The following EXOC4 variants were observed in gnomAD, a reference collection of about 807,000 sequenced individuals.
The protein encoded by EXOC4 is SEC8-like 1.
In EXOC4, 71 loss-of-function variants were observed where a neutral mutation model predicts 107.2. That is an observed-to-expected ratio of 0.66 (90% confidence interval 0.55 to 0.81). The LOEUF (loss-of-function observed/expected upper bound fraction) is 0.81, where lower values mean the gene tolerates loss of function less well. Among genes scored for constraint, EXOC4 ranks in the 30% least tolerant of loss-of-function variants. The pLI is 0.00. For missense variants in EXOC4, 1,108 were observed against 1,189.6 expected (o/e 0.93, Z 1.01); for synonymous variants, 456 against 441.2 (o/e 1.03, Z -0.42).
chr7:134,083,688 T>A, the EXOC4 span, among the ~76,000 whole-genome samples: 1 of 152,040 alleles, frequency 6.6e-6, no homozygotes, highest in African/African-American at 2.4e-5. Context: ...CTCAGGGCTC[T>A]AAAAAAAACC....
At chr7:133,826,959 T>C (rs936624335) in intron 11 of EXOC4, among the ~76,000 whole-genome samples, 4 of 152,222 alleles carry the variant, frequency 2.6e-5, no homozygotes, top group Admixed American at 6.5e-5. Flanking sequence ...TCTTCAGCCT[T>C]CACAGAAATG....
intron 9 of EXOC4, among the ~76,000 whole-genome samples, chr7:133,573,903 G>A (rs1341698842): frequency 1.3e-5 from 2 of 152,206 alleles, no homozygotes; most frequent in Non-Finnish European, 2.9e-5. Flanking sequence ...AATTAACAAT[G>A]TTGGGGACTT....
intron 4 of EXOC4, among the ~76,000 whole-genome samples, chr7:133,314,026 C>T (rs1301889155): frequency 6.6e-6 from 1 of 152,002 alleles, no homozygotes; most frequent in Non-Finnish European, 1.5e-5. Context: ...TCAGTATTTC[C>T]AAAATAACGT....
chr7:133,373,154 T>C (rs1402208083), intron 6 of EXOC4, among the ~76,000 whole-genome samples: 1 of 152,226 alleles, frequency 6.6e-6, no homozygotes, highest in African/African-American at 2.4e-5. Flanking sequence ...ACCAGTTTTA[T>C]ACCGATTATT....
chr7:133,379,959 A>G (rs1448782890), intron 7 of EXOC4, among the ~76,000 whole-genome samples: 1 of 152,076 alleles, frequency 6.6e-6, no homozygotes, highest in Non-Finnish European at 1.5e-5. Flanking sequence ...GGCATATTAA[A>G]TGAGTTATAC....
chr7:133,257,368 A>G (rs73724510), intron 1 of EXOC4, among the ~76,000 whole-genome samples: 108 of 140,402 alleles, frequency 7.7e-4, no homozygotes, highest in Admixed American at 3.0e-3. Flanking sequence ...ACACACACGC[A>G]CACACACACA....
At chr7:133,898,193 T>C (rs1377556484) in intron 12 of EXOC4, among the ~76,000 whole-genome samples, 1 of 152,126 alleles carries the variant, frequency 6.6e-6, no homozygotes, top group African/African-American at 2.4e-5. Flanking sequence ...TGCCAAAATT[T>C]ATATCTGTTG....
chr7:133,661,765 T>A (rs1384063187), intron 10 of EXOC4, among the ~76,000 whole-genome samples: 3 of 150,008 alleles, frequency 2.0e-5, no homozygotes, highest in Non-Finnish European at 3.0e-5. Flanking sequence ...GTGAGCTGGG[T>A]GTCCAGCAGG....
chr7:133,826,360 T>C (rs988124728), intron 11 of EXOC4, among the ~76,000 whole-genome samples: 4 of 152,222 alleles, frequency 2.6e-5, no homozygotes, highest in Admixed American at 6.5e-5. Flanking sequence ...AAGTGCTTAC[T>C]GCTACATTTC....
intron 7 of EXOC4, among the ~76,000 whole-genome samples, chr7:133,412,965 TA>T: frequency 1.3e-5 from 2 of 152,264 alleles, no homozygotes; most frequent in East Asian, 3.9e-4. Flanking sequence ...AGTTCATGTT[TA>T]ATAATAATGT....
At chr7:134,069,018 C>A (rs116254484), downstream of EXOC4, among the ~76,000 whole-genome samples, 2,566 of 152,234 alleles carry the variant, frequency 0.017, 86 homozygotes, top group African/African-American at 0.059. Context: ...CCTCTCTGAT[C>A]TACCCTTCCC....
intron 5 of EXOC4, among the ~76,000 whole-genome samples, chr7:133,346,874 G>T (rs1378038700): frequency 6.6e-6 from 1 of 152,158 alleles, no homozygotes; most frequent in Admixed American, 6.5e-5. Context: ...CATTACTATT[G>T]TCCTATATCT....
chr7:133,827,949 T>A (rs77336125), intron 11 of EXOC4, among the ~76,000 whole-genome samples: 6,049 of 152,082 alleles, frequency 0.04, 418 homozygotes, highest in African/African-American at 0.14. Context: ...TTAAAGGAAG[T>A]CTCTGAGATT....
the EXOC4 span, among the ~76,000 whole-genome samples, chr7:134,075,977 C>T: frequency 1.3e-5 from 2 of 152,164 alleles, no homozygotes; most frequent in Non-Finnish European, 2.9e-5. Context: ...AAGCCATTGA[C>T]ATTTTGAGAT....
intron 10 of EXOC4, among the ~76,000 whole-genome samples, chr7:133,738,191 C>T (rs756654949): frequency 3.9e-5 from 6 of 152,018 alleles, no homozygotes; most frequent in Admixed American, 2.0e-4. Flanking sequence ...GGATTACAGG[C>T]GTGAGCCACC....
intron 10 of EXOC4, among the ~76,000 whole-genome samples, chr7:133,652,337 T>TA (rs1401040290): frequency 6.6e-6 from 1 of 152,148 alleles, no homozygotes; most frequent in Non-Finnish European, 1.5e-5. Context: ...ACTGGTAAAA[T>TA]ACAGTTTGTT....
intron 12 of EXOC4, among the ~76,000 whole-genome samples, chr7:133,897,559 G>C (rs1316874793): frequency 1.3e-5 from 2 of 152,028 alleles, no homozygotes; most frequent in African/African-American, 2.4e-5. Context: ...ATAAATTCCA[G>C]TGAGGAAATG....
In EXOC4 at chr7:133,630,156, A is replaced by G. The variant is rs995030850; in HGVS notation, c.1514+15A>G. Reference sequence around the variant, plus strand: ...CCATTACTAAGGTAAGTCAAGTGCTATGATATACTTACTGAAGATCAATAT... The same window carrying G: ...CCATTACTAAGGTAAGTCAAGTGCTGTGATATACTTACTGAAGATCAATAT... On this transcript the variant is annotated intron_variant, in intron 10 of 17. Transcript: ENST00000253861. 2 of 1,562,820 alleles carry G rather than the reference A, an allele frequency of 1.3e-6. No homozygotes were observed. The highest frequency in any genetic ancestry group is 1.1e-5 in the South Asian group (1 of 89,946).
intron 15 of EXOC4, among the ~76,000 whole-genome samples, chr7:134,001,633 G>C (rs1794533454): frequency 6.6e-6 from 1 of 152,094 alleles, no homozygotes; most frequent in African/African-American, 2.4e-5. Context: ...TCCATTCTCT[G>C]CTATTAATCC....
Sources: gnomAD v4.1 joint callset for allele counts (sites outside exome capture counted in the v4.1 genomes callset) on GRCh38, gnomAD v4.1.1 for gene constraint, MANE v1.5 for transcripts, NCBI Gene and HGNC (gene_info 2026-07-23, HGNC 2026-07-21) for gene names.